The following ARFIP1 variants were observed in gnomAD, a reference collection of about 807,000 sequenced individuals.
ARFIP1 encodes arfaptin-1.
Under a neutral mutation model 42.5 loss-of-function variants are expected in ARFIP1, and 24 were observed. The ratio of observed to expected loss-of-function variants is 0.57; its 90% confidence interval spans 0.41 to 0.80. ARFIP1 has a LOEUF of 0.80. Among genes scored for constraint, ARFIP1 ranks in the 30% least tolerant of loss-of-function variants. The pLI is 0.00. For synonymous variants in ARFIP1, 141 were observed against 153.7 expected (o/e 0.92, Z 0.61); for missense variants, 354 against 434.0 (o/e 0.82, Z 1.64).
chr4:152,887,913 A>G (rs1309560246), intron 7 of ARFIP1, among the ~76,000 whole-genome samples: 2 of 151,984 alleles, frequency 1.3e-5, no homozygotes, highest in Non-Finnish European at 2.9e-5. Context: ...CTGTGCTTTG[A>G]GAGAAATAGT....
At chr4:152,879,769 A>C (rs1385432691) in intron 5 of ARFIP1, among the ~76,000 whole-genome samples, 2 of 152,162 alleles carry the variant, frequency 1.3e-5, no homozygotes, top group South Asian at 2.1e-4. Context: ...GAATCGCTTG[A>C]ACCCGGGAGG....
intron 7 of ARFIP1, among the ~76,000 whole-genome samples, chr4:152,886,895 TAACTC>T (rs902416198): frequency 3.9e-5 from 6 of 151,994 alleles, no homozygotes; most frequent in Admixed American, 2.6e-4. Context: ...AATTAAATCT[TAACTC>T]ATACTGCTAA....
At chr4:152,866,572 G>T (rs1471745578) in intron 3 of ARFIP1, among the ~76,000 whole-genome samples, 3 of 151,484 alleles carry the variant, frequency 2.0e-5, no homozygotes, top group East Asian at 2.0e-4. Context: ...CCTGGACGGG[G>T]CGGCTGGCCG....
chr4:152,846,922 A>AT (rs10712308), intron 2 of ARFIP1, among the ~76,000 whole-genome samples: 5 of 148,606 alleles, frequency 3.4e-5, no homozygotes, highest in African/African-American at 9.8e-5. Flanking sequence ...TGAAATTACA[A>AT]TTTTTTTTTT....
intron 1 of ARFIP1, among the ~76,000 whole-genome samples, chr4:152,794,876 A>G (rs980808945): frequency 6.6e-5 from 10 of 152,086 alleles, no homozygotes; most frequent in Non-Finnish European, 1.3e-4. Context: ...TCGTTCCAGC[A>G]TTGGCTGTTA....
chr4:152,787,170 T>A (rs1215126848), intron 1 of ARFIP1, among the ~76,000 whole-genome samples: 1 of 152,210 alleles, frequency 6.6e-6, no homozygotes, highest in Admixed American at 6.5e-5. Flanking sequence ...ACTCATTAAA[T>A]TTCCAAGTTA....
intron 3 of ARFIP1, among the ~76,000 whole-genome samples, chr4:152,866,474 C>T (rs1245653917): frequency 4.7e-5 from 7 of 150,008 alleles, no homozygotes; most frequent in African/African-American, 7.4e-5. Flanking sequence ...ACCTCCCGGA[C>T]GGGGCAGCTG....
At chr4:152,904,152 C>T (rs1738084897) in intron 8 of ARFIP1, among the ~76,000 whole-genome samples, 1 of 148,614 alleles carries the variant, frequency 6.7e-6, no homozygotes, top group Non-Finnish European at 1.5e-5. Context: ...CCTATCAACC[C>T]ATCACCTATA....
At chr4:152,845,464 G>T (rs1288533733) in intron 2 of ARFIP1, among the ~76,000 whole-genome samples, 1 of 152,094 alleles carries the variant, frequency 6.6e-6, no homozygotes, top group African/African-American at 2.4e-5. Flanking sequence ...TCTGACAAAG[G>T]TATAATATCC....
At chr4:152,801,759 A>G (rs1373243978) in intron 1 of ARFIP1, among the ~76,000 whole-genome samples, 1 of 152,226 alleles carries the variant, frequency 6.6e-6, no homozygotes, top group Non-Finnish European at 1.5e-5. Context: ...GGTAAATACT[A>G]GTATTATTGG....
chr4:152,836,365 T>C (rs867308677), intron 2 of ARFIP1, among the ~76,000 whole-genome samples: 2 of 152,186 alleles, frequency 1.3e-5, no homozygotes, highest in African/African-American at 4.8e-5. Flanking sequence ...ATAGTATAAA[T>C]GTAAATGGAA....
chr4:152,820,214 TGCAGTATTGCATTTACCCA>T (rs374847189), intron 1 of ARFIP1, among the ~76,000 whole-genome samples: 16 of 151,630 alleles, frequency 1.1e-4, no homozygotes, highest in African/African-American at 3.9e-4. Context: ...TGCCCACCAT[TGCAGTATTGCATTTACCCA>T]CCTGTCTTTG....
chr4:152,821,867 C>T (rs1212402310), intron 1 of ARFIP1, among the ~76,000 whole-genome samples: 1 of 152,092 alleles, frequency 6.6e-6, no homozygotes, highest in African/African-American at 2.4e-5. Context: ...TCCAGCAAAA[C>T]TAAGTTGTAT....
intron 1 of ARFIP1, among the ~76,000 whole-genome samples, chr4:152,824,765 G>C (rs925289539): frequency 1.2e-4 from 18 of 152,120 alleles, no homozygotes; most frequent in African/African-American, 4.3e-4. Context: ...ATCTCTGTTT[G>C]CCAATGATTG....
At chr4:152,892,181 A>G (rs1278810296) in intron 8 of ARFIP1, among the ~76,000 whole-genome samples, 1 of 152,152 alleles carries the variant, frequency 6.6e-6, no homozygotes, top group Non-Finnish European at 1.5e-5. Context: ...AGCTGGGACT[A>G]CAGGCGCATG....
At chr4:152,858,194 A>T (rs1733595977) in intron 2 of ARFIP1, among the ~76,000 whole-genome samples, 1 of 152,178 alleles carries the variant, frequency 6.6e-6, no homozygotes, top group African/African-American at 2.4e-5. Context: ...CGGGAGGCTG[A>T]GGTGGGTGGA....
chr4:152,808,481 A>C (rs1017401276), intron 1 of ARFIP1, among the ~76,000 whole-genome samples: 1 of 150,804 alleles, frequency 6.6e-6, no homozygotes, highest in Non-Finnish European at 1.5e-5. Flanking sequence ...GTGTATTTAT[A>C]TTTCTTGGGT....
intron 1 of ARFIP1, among the ~76,000 whole-genome samples, chr4:152,788,739 A>G (rs964935588): frequency 6.6e-6 from 1 of 151,936 alleles, no homozygotes; most frequent in African/African-American, 2.4e-5. Context: ...CAATTAACCA[A>G]TATTGGCACG....
intron 1 of ARFIP1, among the ~76,000 whole-genome samples, chr4:152,798,240 G>A (rs1731593007): frequency 7.4e-6 from 1 of 134,696 alleles, no homozygotes; most frequent in Non-Finnish European, 1.7e-5. Flanking sequence ...TCCAGCCTGG[G>A]CGACAGAGCG....
Sources: allele counts gnomAD v4.1 joint callset (sites outside exome capture counted in the v4.1 genomes callset), GRCh38; gene constraint gnomAD v4.1.1; transcripts MANE v1.5; gene names NCBI Gene and HGNC (gene_info 2026-07-23, HGNC 2026-07-21).